Variants in MS4A1 observed in about 807,000 individuals in gnomAD.
MS4A1 encodes the protein membrane spanning 4-domains A1, also known as B-lymphocyte antigen CD20.
A neutral mutation model predicts 26.5 loss-of-function variants in MS4A1; 16 were observed. That is an observed-to-expected ratio of 0.60 (90% confidence interval 0.41 to 0.92). The LOEUF (loss-of-function observed/expected upper bound fraction) is 0.92, where lower values mean the gene tolerates loss of function less well. MS4A1 is among the 40% of genes least tolerant of loss of function. The probability of loss-of-function intolerance (pLI) is 0.00; values close to 1 mark genes in which losing one functional copy is unlikely to be tolerated. For missense variants in MS4A1, 350 were observed against 353.0 expected (o/e 0.99, Z 0.07); for synonymous variants, 128 against 117.6 (o/e 1.09, Z -0.57).
At chr11:60,467,464 C>CG (rs578129807) in intron 7 of MS4A1, among the ~76,000 whole-genome samples, 77 of 151,942 alleles carry the variant, frequency 5.1e-4, no homozygotes, top group African/African-American at 1.8e-3. Context: ...TTTGTAGAGA[C>CG]GGGGGTTCAC....
chr11:60,467,683 G>GA (rs2086305733), intron 7 of MS4A1, among the ~76,000 whole-genome samples: 2 of 150,976 alleles, frequency 1.3e-5, no homozygotes, highest in Non-Finnish European at 3.0e-5. Context: ...AAGGTTGAAG[G>GA]CTAAGTCACT....
In MS4A1 at chr11:60,465,831, G is replaced by C. The variant is rs61298685; in HGVS notation, c.337-90G>C. 114 of 975,982 alleles carry C rather than the reference G, an allele frequency of 1.2e-4. No homozygotes were observed. In the African/African-American group the frequency reaches 1.7e-3, roughly 15 times the overall value. 60.5% of individuals were successfully genotyped at this position (975,982 alleles called of 1,614,324 possible). On this transcript the variant is annotated intron_variant, in intron 5 of 7. Coordinates refer to ENST00000345732, the MANE Select transcript of MS4A1 (RefSeq NM_152866.3). Reference sequence around the variant, plus strand: ...ATATTTAGTTGTAGTTGCTTTGTGAGTCAGGGCAGTTGCATTTGGAATTCC... The same window carrying C: ...ATATTTAGTTGTAGTTGCTTTGTGACTCAGGGCAGTTGCATTTGGAATTCC...
intron 7 of MS4A1, 55 bp from the exon 8 acceptor site, chr11:60,468,195 G>C: frequency 7.4e-7 from 1 of 1,342,572 alleles, no homozygotes; most frequent in Admixed American, 1.9e-5. Context: ...GGAGATTGTT[G>C]ACAAAGGTGT....
At chr11:60,461,920 A>T (rs1005895754) in intron 2 of MS4A1, among the ~76,000 whole-genome samples, 11 of 152,054 alleles carry the variant, frequency 7.2e-5, no homozygotes, top group African/African-American at 2.7e-4. Context: ...TCCTTACCAT[A>T]CTCTGCAATG....
In MS4A1 at chr11:60,462,394, C is replaced by G. The variant is rs369817025; in HGVS notation, c.20C>G (p.Ser7Ter). The G allele has an allele frequency of 6.2e-6, 10 of 1,614,046 alleles. No homozygotes were observed. In the African/African-American group the frequency reaches 9.3e-5, roughly 15 times the overall value. ...AGCAAAATGACAACACCCAGAAATT[C>G]AGTAAATGGGACTTTCCCGGCAGAG... Reference protein sequence around the residue: MTTPRNSVNGTFPAEPM... With the variant: MTTPRN Residue 7 changes from serine to a stop codon, truncating the protein, a stop_gained, in exon 3 of 8, where the codon TCA becomes TGA. Transcript: ENST00000345732. LOFTEE classifies it high-confidence loss of function.
intron 6 of MS4A1, 110 bp from the exon 7 acceptor site, chr11:60,466,849 G>T: frequency 9.6e-7 from 1 of 1,044,034 alleles, no homozygotes; most frequent in South Asian, 1.3e-5. Context: ...CTTGTCTAAA[G>T]AATTGATCTC....
intron 6 of MS4A1, chr11:60,466,750 A>G (rs188145458): frequency 2.8e-4 from 169 of 594,432 alleles, no homozygotes; most frequent in African/African-American, 2.8e-3. Flanking sequence ...ATACACATTA[A>G]CCATCTGTTG....
chr11:60,459,498 T>C (rs2086230979), intron 1 of MS4A1, among the ~76,000 whole-genome samples: 1 of 152,228 alleles, frequency 6.6e-6, no homozygotes, highest in South Asian at 2.1e-4. Context: ...CTGTGAGGTC[T>C]TTACTAAGGC....
rs2086315794 is a variant in MS4A1 at position 60,468,621 on chromosome 11, A to G, written c.*153A>G. Reference sequence around the variant, plus strand: ...GAGTGACCATAGCTCCTTCTCTCTTACATTGAATGTAGAGAATGTAGCCAT... The same window carrying G: ...GAGTGACCATAGCTCCTTCTCTCTTGCATTGAATGTAGAGAATGTAGCCAT... On this transcript the variant is annotated 3_prime_UTR_variant, in exon 8 of 8. Coordinates refer to ENST00000345732, the MANE Select transcript of MS4A1 (RefSeq NM_152866.3). 5.6e-6 allele frequency: 4 copies of G among 718,206 alleles called. No homozygotes were observed. Among genetic ancestry groups the G allele is most frequent in the South Asian group, 1.7e-5 (1 of 58,274 alleles). 44.5% of individuals were successfully genotyped at this position (718,206 alleles called of 1,614,324 possible).
At position 60,461,100 on chromosome 11, in the gene MS4A1, A is replaced by G. The variant is rs903397366; in HGVS notation, c.-251A>G. 1 of 151,898 alleles carries G rather than the reference A, an allele frequency of 6.6e-6. No homozygotes were observed. The highest frequency in any genetic ancestry group is 1.5e-5 in the Non-Finnish European group (1 of 68,042). 9.4% of individuals were successfully genotyped at this position (151,898 alleles called of 1,614,324 possible). A position where few individuals can be genotyped will look rare whatever the true frequency, so the allele number is the denominator to read the frequency against. On this transcript the variant is annotated 5_prime_UTR_variant, in exon 2 of 8. Transcript: ENST00000345732. ...CTGAACAAGAGAGAACAAAATCTCT[A>G]CTTTGATGGAACTTCCATTCTGTGG...
chr11:60,462,346 G>T lies in MS4A1; in HGVS notation c.-29G>T. 11 of 1,613,598 alleles carry T rather than the reference G, an allele frequency of 6.8e-6. No individual in the cohort carries two copies. The highest frequency in any genetic ancestry group is 9.3e-6 in the Non-Finnish European group (11 of 1,179,532). On this transcript the variant is annotated 5_prime_UTR_variant, in exon 3 of 8. Transcript: ENST00000345732. ...TCTTGCTCTCCTCATTTTGTTATTT[G>T]TTTTATTTTTAGGAGTTTTGAGAGC... is the stretch of plus-strand genomic sequence containing the variant.
intron 5 of MS4A1, among the ~76,000 whole-genome samples, chr11:60,464,652 T>A (rs1441545934): frequency 6.6e-6 from 1 of 152,192 alleles, no homozygotes; most frequent in African/African-American, 2.4e-5. Flanking sequence ...GATCACCATT[T>A]AGGAAAATTA....
At position 60,467,026 on chromosome 11, in the gene MS4A1, A is replaced by C; in HGVS notation, c.641A>C (p.Asn214Thr). ...QELVIAGIVENEWKRTCSRPK... is the reference protein window; with the variant it reads ...QELVIAGIVETEWKRTCSRPK... ...CTTGTAATAGCTGGCATCGTTGAGA[A>C]TGAATGGAAAAGAACGTGCTCCAGA... is the stretch of plus-strand genomic sequence containing the variant. Residue 214 changes from asparagine to threonine, a missense_variant, in exon 7 of 8, where the codon AAT (asparagine) becomes ACT (threonine). Physicochemically the swap from Asn to Thr is moderately conservative, Grantham distance 65. Transcript: ENST00000345732. The C allele has an allele frequency of 6.2e-7, 1 of 1,614,180 alleles. No homozygotes were observed. Among genetic ancestry groups the C allele is most frequent in the Non-Finnish European group, 8.5e-7 (1 of 1,180,016 alleles).
intron 1 of MS4A1, among the ~76,000 whole-genome samples, chr11:60,457,701 G>C (rs887737732): frequency 1.3e-5 from 2 of 152,118 alleles, no homozygotes; most frequent in Admixed American, 6.5e-5. Flanking sequence ...TGAGACACGA[G>C]GCCTGAGAAA....
At position 60,468,280 on chromosome 11, in the gene MS4A1, A is replaced by G; in HGVS notation, c.706A>G (p.Lys236Glu). The G allele has an allele frequency of 6.2e-7, 1 of 1,613,726 alleles. No homozygotes were observed. Among genetic ancestry groups the G allele is most frequent in the Non-Finnish European group, 8.5e-7 (1 of 1,179,806 alleles). Residue 236 changes from lysine to glutamate, a missense_variant, in exon 8 of 8, where the codon AAA (lysine) becomes GAA (glutamate). Lys to Glu is a moderately conservative substitution (Grantham distance 56). Transcript: ENST00000345732. The stretch of plus-strand genomic sequence containing the variant: ...AGTTCTCCTGTCAGCAGAAGAAAAA[A>G]AAGAACAGACTATTGAAATAAAAGA... ...NIVLLSAEEK[K>E]EQTIEIKEEV... is the part of the protein sequence containing the mutation.
intron 6 of MS4A1, chr11:60,466,719 A>G (rs2086294638): frequency 1.9e-6 from 1 of 526,994 alleles, no homozygotes; most frequent in Non-Finnish European, 3.4e-6. Flanking sequence ...CTGATTATTC[A>G]TACCTTACTT....
At chr11:60,456,393 C>CA (rs1565192406) in intron 1 of MS4A1, among the ~76,000 whole-genome samples, 1 of 152,184 alleles carries the variant, frequency 6.6e-6, no homozygotes, top group South Asian at 2.1e-4. Flanking sequence ...TTCCCAATAC[C>CA]AAATGAGAAA....
intron 1 of MS4A1, chr11:60,458,270 C>T (rs1182441375): frequency 6.6e-6 from 1 of 152,152 alleles, no homozygotes; most frequent in South Asian, 2.1e-4. Flanking sequence ...AAATGCAAAA[C>T]TATTTTGAGT....
At chr11:60,468,166 G>T (rs2086310337) in intron 7 of MS4A1, 84 bp from the exon 8 acceptor site, 1 of 1,227,108 alleles carries the variant, frequency 8.1e-7, no homozygotes, top group South Asian at 1.3e-5. Context: ...AAACCAGGAG[G>T]TATTTGATAA....
Sources: allele counts gnomAD v4.1 joint callset (sites outside exome capture counted in the v4.1 genomes callset), GRCh38; gene constraint gnomAD v4.1.1; transcripts MANE v1.5; gene names NCBI Gene and HGNC (gene_info 2026-07-23, HGNC 2026-07-21).